The following ADGRV1 variants were observed in gnomAD, a reference collection of about 807,000 sequenced individuals.
The protein encoded by ADGRV1 is G-protein coupled receptor 98.
ADGRV1 carries 359 observed loss-of-function variants against 596.2 expected under a neutral mutation model. The observed-to-expected ratio is 0.60, with a 90% CI of 0.55 to 0.66. ADGRV1 has a LOEUF of 0.66. Ranked by LOEUF, ADGRV1 falls within the 30% of genes least tolerant of loss-of-function variation. The pLI is 0.00. For synonymous variants in ADGRV1, 2,681 were observed against 2,679.2 expected, an observed-to-expected ratio of 1.00 and a Z score of -0.02; for missense variants, 7,274 against 7,575.6, an observed-to-expected ratio of 0.96 and a Z score of 1.48.
At chr5:90,562,031 C>A (rs577541254) in intron 1 of ADGRV1, among the ~76,000 whole-genome samples, 1 of 152,240 alleles carries the variant, frequency 6.6e-6, no homozygotes, top group South Asian at 2.1e-4. Flanking sequence ...ACCAGAACCT[C>A]CCCAGTCTAA....
intron 83 of ADGRV1, among the ~76,000 whole-genome samples, chr5:90,888,101 T>C (rs1770470555): frequency 6.6e-6 from 1 of 152,172 alleles, no homozygotes; most frequent in Admixed American, 6.5e-5. Flanking sequence ...ATTGTCCTGT[T>C]CTGTTAAAAT....
At chr5:90,960,726 A>G (rs1265576060) in intron 83 of ADGRV1, among the ~76,000 whole-genome samples, 3 of 152,142 alleles carry the variant, frequency 2.0e-5, no homozygotes, top group Admixed American at 6.5e-5. Flanking sequence ...TGAAAGGTAA[A>G]CATGAGTTCA....
intron 50 of ADGRV1, among the ~76,000 whole-genome samples, chr5:90,732,374 A>G (rs913756500): frequency 5.9e-5 from 9 of 152,186 alleles, no homozygotes; most frequent in Admixed American, 2.6e-4. Context: ...AAGATATACA[A>G]TGTGATATTT....
chr5:90,885,092 A>C (rs1172018163), intron 83 of ADGRV1, among the ~76,000 whole-genome samples: 2 of 152,136 alleles, frequency 1.3e-5, no homozygotes, highest in African/African-American at 4.8e-5. Context: ...GTATGTTAAT[A>C]GTTTTGTGCC....
chr5:90,744,005 T>C lies in ADGRV1; in HGVS notation c.10550-1041T>C, dbSNP rs1302422792. ...CTATTAACTGATATATATATATACATATGGACAAGATCTAACTCTGTTGCC... is the reference window on the plus strand; with the variant it reads ...CTATTAACTGATATATATATATACACATGGACAAGATCTAACTCTGTTGCC... On this transcript the variant is annotated intron_variant, in intron 50 of 89. Coordinates refer to ENST00000405460, the MANE Select transcript of ADGRV1 (RefSeq NM_032119.4). Among the ~76,000 whole-genome samples the C allele has an allele frequency of 2.6e-5, 4 of 151,904 alleles. No homozygotes were observed. In the East Asian group the frequency reaches 7.7e-4, roughly 29 times the overall value.
chr5:90,958,071 T>G (rs951555912), intron 83 of ADGRV1, among the ~76,000 whole-genome samples: 2 of 151,722 alleles, frequency 1.3e-5, no homozygotes, highest in Admixed American at 1.3e-4. Flanking sequence ...AGCTCAGGAT[T>G]GCAAGACCAG....
At chr5:90,894,734 T>C (rs1022031934) in intron 83 of ADGRV1, among the ~76,000 whole-genome samples, 2 of 152,134 alleles carry the variant, frequency 1.3e-5, no homozygotes, top group Non-Finnish European at 2.9e-5. Flanking sequence ...GGGTATCTAT[T>C]TCTAAGAATG....
chr5:91,001,838 C>T (rs373052552), intron 85 of ADGRV1, among the ~76,000 whole-genome samples: 7 of 152,174 alleles, frequency 4.6e-5, no homozygotes, highest in African/African-American at 1.7e-4. Context: ...CTATCTCACA[C>T]ATTTGCATTA....
intron 85 of ADGRV1, among the ~76,000 whole-genome samples, chr5:91,020,492 C>A (rs750458028): frequency 6.6e-6 from 1 of 151,992 alleles, no homozygotes; most frequent in Non-Finnish European, 1.5e-5. Context: ...AAGAGTAGAA[C>A]TTAGGGACCT....
At chr5:90,683,525 G>A (rs1745212506) in intron 27 of ADGRV1, 61 bp from the exon 28 acceptor site, 1 of 1,289,028 alleles carries the variant, frequency 7.8e-7, no homozygotes, top group Admixed American at 2.6e-5. Context: ...GTATTTATAA[G>A]CCTCTAAGTA....
rs146470467 is a variant in ADGRV1 at position 91,014,687 on chromosome 5, G to A, written c.18152+29165G>A. ...TTTTCCAGTTTGTATGCAAAGGTGTGTTTGTAGTAGTTTCTGATGGTAATT... is the reference window on the plus strand; with the variant it reads ...TTTTCCAGTTTGTATGCAAAGGTGTATTTGTAGTAGTTTCTGATGGTAATT... On this transcript the variant is annotated intron_variant, in intron 85 of 89. Coordinates refer to ENST00000405460, the MANE Select transcript of ADGRV1 (RefSeq NM_032119.4). 5.2e-4 allele frequency among the ~76,000 whole-genome samples: 79 copies of A among 152,006 alleles called. 1 individual carries two copies. The highest frequency in any genetic ancestry group is 3.4e-3 in the Middle Eastern group (1 of 294).
intron 85 of ADGRV1, among the ~76,000 whole-genome samples, chr5:91,036,620 AGAGGCT>A (rs1337837027): frequency 6.6e-6 from 1 of 151,518 alleles, no homozygotes. Flanking sequence ...TAGTTGCTAG[AGAGGCT>A]GAGGCAGGAT....
At chr5:90,871,868 A>G (rs1185927245) in intron 83 of ADGRV1, among the ~76,000 whole-genome samples, 1 of 152,236 alleles carries the variant, frequency 6.6e-6, no homozygotes, top group Non-Finnish European at 1.5e-5. Flanking sequence ...GTGGAAAAAA[A>G]ATCACTAGGA....
chr5:91,068,390 A>T (rs1450155502), intron 85 of ADGRV1, among the ~76,000 whole-genome samples: 1 of 151,778 alleles, frequency 6.6e-6, no homozygotes, highest in African/African-American at 2.4e-5. Flanking sequence ...AATGGTGTGA[A>T]CCCAGGAGGC....
At chr5:90,618,992 G>T (rs971403813) in intron 3 of ADGRV1, 94 bp from the exon 4 acceptor site, 7 of 550,516 alleles carry the variant, frequency 1.3e-5, no homozygotes, top group Non-Finnish European at 1.8e-5. Context: ...ATTATATTCT[G>T]AATAACTACT....
In ADGRV1 at chr5:90,911,806, CTT is replaced by C. The variant is rs1026925121; in HGVS notation, c.17856+47952_17856+47953del. Among the ~76,000 whole-genome samples the C allele has an allele frequency of 1.2e-4, 19 of 152,010 alleles. 1 individual carries two copies. The highest frequency in any genetic ancestry group is 4.6e-4 in the African/African-American group (19 of 41,376). ...TTGGAATCAGAAACAATGTCATAGA[CTT>C]TTCTTTTTTTTGTCTTCCCAGGAAG... On this transcript the variant is annotated intron_variant, in intron 83 of 89. Coordinates refer to ENST00000405460, the MANE Select transcript of ADGRV1 (RefSeq NM_032119.4).
At chr5:90,841,307 A>G (rs939853164) in intron 78 of ADGRV1, among the ~76,000 whole-genome samples, 2 of 152,170 alleles carry the variant, frequency 1.3e-5, no homozygotes, top group Non-Finnish European at 2.9e-5. Context: ...TGGCCAATTA[A>G]CTTTGTAGTT....
intron 1 of ADGRV1, among the ~76,000 whole-genome samples, chr5:90,562,784 G>A (rs1755034290): frequency 6.6e-6 from 1 of 152,170 alleles, no homozygotes; most frequent in East Asian, 1.9e-4. Context: ...AAATTATTAA[G>A]TATAAAGAAA....
chr5:91,068,047 C>T (rs1418309734), intron 85 of ADGRV1, among the ~76,000 whole-genome samples: 1 of 152,060 alleles, frequency 6.6e-6, no homozygotes, highest in African/African-American at 2.4e-5. Flanking sequence ...TTCTAAAAGC[C>T]AAGAAATTTA....
Sources: gnomAD v4.1 joint callset for allele counts (sites outside exome capture counted in the v4.1 genomes callset) on GRCh38, gnomAD v4.1.1 for gene constraint, MANE v1.5 for transcripts, NCBI Gene and HGNC (gene_info 2026-07-23, HGNC 2026-07-21) for gene names.